CHRM3: variants seen among roughly 807,000 people sequenced by gnomAD.
CHRM3 encodes the protein muscarinic acetylcholine receptor M3.
CHRM3 carries 11 observed loss-of-function variants against 41.8 expected under a neutral mutation model. The ratio of observed to expected loss-of-function variants is 0.26; its 90% CI spans 0.17 to 0.44. The LOEUF is 0.44. CHRM3 is among the 20% of genes least tolerant of loss of function. CHRM3 has a pLI of 1.00. For synonymous variants in CHRM3, 297 were observed against 301.4 expected, an observed-to-expected ratio of 0.99 and a Z score of 0.15; for missense variants, 571 against 745.4, an observed-to-expected ratio of 0.77 and a Z score of 2.72.
At chr1:239,601,232 C>A (rs1264678892) in intron 3 of CHRM3, among the ~76,000 whole-genome samples, 2 of 152,078 alleles carry the variant, frequency 1.3e-5, no homozygotes, top group African/African-American at 2.4e-5. Context: ...GAGATCTGTG[C>A]TGTTTGGTGA....
rs1680028615 is a variant in CHRM3 at position 239,907,119 on chromosome 1, A to G, written c.-19-314A>G. Among the ~76,000 whole-genome samples the G allele has an allele frequency of 6.6e-6, 1 of 152,246 alleles. No homozygotes were observed. The highest frequency in any genetic ancestry group is 1.5e-5 in the Non-Finnish European group (1 of 68,046). On this transcript the variant is annotated intron_variant, in intron 6 of 6. Coordinates refer to ENST00000676153, the MANE Select transcript of CHRM3 (RefSeq NM_001375978.1). This position sits in a 1 kb window ranked among gnomAD's most constrained non-coding sequence, Gnocchi z 5.4. ...AATGTCTGATATTTTTCACCTTTAC[A>G]AAATAAGAGAAGTAAGGGCGATTTT...
At chr1:239,569,470 A>G (rs892759742) in intron 3 of CHRM3, among the ~76,000 whole-genome samples, 1 of 152,200 alleles carries the variant, frequency 6.6e-6, no homozygotes, top group Non-Finnish European at 1.5e-5. Flanking sequence ...AAATTTAAAT[A>G]CTGCGATAAC....
intron 1 of CHRM3, among the ~76,000 whole-genome samples, chr1:239,460,779 T>C (rs1248052691): frequency 6.6e-6 from 1 of 152,168 alleles, no homozygotes; most frequent in Non-Finnish European, 1.5e-5. Context: ...ACAAATGAAA[T>C]TATAGTCTTT....
chr1:239,852,666 C>T (rs375309771), intron 6 of CHRM3, among the ~76,000 whole-genome samples: 1 of 152,050 alleles, frequency 6.6e-6, no homozygotes, highest in African/African-American at 2.4e-5. Flanking sequence ...GGATTATGAA[C>T]AGCCAACCTA....
At chr1:239,442,274 T>C (rs1012027045) in intron 1 of CHRM3, among the ~76,000 whole-genome samples, 17 of 152,074 alleles carry the variant, frequency 1.1e-4, no homozygotes, top group African/African-American at 4.1e-4. Context: ...GCCCAGCTGA[T>C]TTTTTGTATT....
intron 6 of CHRM3, among the ~76,000 whole-genome samples, chr1:239,834,431 G>T (rs1673147417): frequency 6.7e-6 from 1 of 149,706 alleles, no homozygotes; most frequent in Non-Finnish European, 1.5e-5. Context: ...TCCTGCCTCA[G>T]CTTCCCAAAC....
intron 5 of CHRM3, among the ~76,000 whole-genome samples, chr1:239,691,586 C>A (rs1448035750): frequency 2.0e-5 from 3 of 152,236 alleles, no homozygotes; most frequent in Non-Finnish European, 4.4e-5. Context: ...GAAGCTGTGG[C>A]CCTCACGCCT....
intron 1 of CHRM3, among the ~76,000 whole-genome samples, chr1:239,456,886 T>C (rs1664982944): frequency 6.6e-6 from 1 of 152,176 alleles, no homozygotes; most frequent in Admixed American, 6.5e-5. Flanking sequence ...GACCCAAGTA[T>C]AAAAACTAAA....
chr1:239,601,970 T>G (rs1665598458), intron 3 of CHRM3, among the ~76,000 whole-genome samples: 2 of 151,656 alleles, frequency 1.3e-5, no homozygotes, highest in South Asian at 4.2e-4. Flanking sequence ...ATTGATCCTG[T>G]TTTTTTAATC....
chr1:239,623,522 A>T, intron 3 of CHRM3, among the ~76,000 whole-genome samples: 1 of 118,072 alleles, frequency 8.5e-6, no homozygotes, highest in Non-Finnish European at 1.7e-5. Flanking sequence ...TTATACTCTA[A>T]GTTTTAGGGT....
chr1:239,635,938 T>C (rs1670415464), intron 4 of CHRM3, among the ~76,000 whole-genome samples: 1 of 152,038 alleles, frequency 6.6e-6, no homozygotes, highest in African/African-American at 2.4e-5. Context: ...GTCTTTTGCT[T>C]AGATGGGAAG....
chr1:239,438,143 T>C (rs1378659037), intron 1 of CHRM3, among the ~76,000 whole-genome samples: 2 of 152,222 alleles, frequency 1.3e-5, no homozygotes, highest in Non-Finnish European at 2.9e-5. Context: ...GCTAATATTC[T>C]CACCTAAATT....
chr1:239,446,233 C>A (rs182133981), intron 1 of CHRM3, among the ~76,000 whole-genome samples: 1 of 152,084 alleles, frequency 6.6e-6, no homozygotes, highest in Admixed American at 6.5e-5. Flanking sequence ...CCATGCCTGG[C>A]CAGTGTGCAC....
chr1:239,433,415 T>G (rs1476921457), intron 1 of CHRM3, among the ~76,000 whole-genome samples: 1 of 152,198 alleles, frequency 6.6e-6, no homozygotes, highest in African/African-American at 2.4e-5. Context: ...GCATCTCTAT[T>G]GTGTTAGTTT....
chr1:239,568,480 A>G lies in CHRM3; in HGVS notation c.-313+22731A>G, dbSNP rs564052501. Among the ~76,000 whole-genome samples, 14 of 152,138 alleles carry G rather than the reference A, an allele frequency of 9.2e-5. No homozygotes were observed. The East Asian group carries it at 2.7e-3, about 30-fold the overall frequency. Reference sequence around the variant, plus strand: ...GAGGCCTTCCCAGCCACGTGGAACTATGAGTCTATTAAACTTCTTTTTCTT... The same window carrying G: ...GAGGCCTTCCCAGCCACGTGGAACTGTGAGTCTATTAAACTTCTTTTTCTT... On this transcript the variant is annotated intron_variant, in intron 3 of 6. Transcript: ENST00000676153.
In CHRM3 at chr1:239,907,253, C is replaced by T. The variant is rs1200017151; in HGVS notation, c.-19-180C>T. On this transcript the variant is annotated intron_variant, in intron 6 of 6. Transcript: ENST00000676153. This position sits in a 1 kb window ranked among gnomAD's most constrained non-coding sequence, Gnocchi z 5.4. ...TTATATAATACTATCTCAAACAAATCGATGTCTGTCTGCCCTAGACTCCAC... is the reference window on the plus strand; with the variant it reads ...TTATATAATACTATCTCAAACAAATTGATGTCTGTCTGCCCTAGACTCCAC... Among the ~76,000 whole-genome samples the T allele has an allele frequency of 3.9e-5, 6 of 152,124 alleles. No homozygotes were observed. The highest frequency in any genetic ancestry group is 2.1e-4 in the South Asian group (1 of 4,828).
intron 3 of CHRM3, among the ~76,000 whole-genome samples, chr1:239,590,770 A>C (rs1664038881): frequency 6.6e-6 from 1 of 152,178 alleles, no homozygotes; most frequent in Non-Finnish European, 1.5e-5. Context: ...CTGGATCAAA[A>C]CCAAAGAGAT....
At chr1:239,868,978 G>A (rs920579535) in intron 6 of CHRM3, among the ~76,000 whole-genome samples, 5 of 152,178 alleles carry the variant, frequency 3.3e-5, no homozygotes, top group South Asian at 2.1e-4. Flanking sequence ...TACAAGGAGA[G>A]CCTGGGGTGG....
chr1:239,776,279 T>G (rs1204429463), intron 5 of CHRM3, among the ~76,000 whole-genome samples: 1 of 152,218 alleles, frequency 6.6e-6, no homozygotes, highest in East Asian at 1.9e-4. Flanking sequence ...ATGGGGATAA[T>G]AATACAATAA....
Sources: allele counts gnomAD v4.1 joint callset (sites outside exome capture counted in the v4.1 genomes callset), GRCh38; gene constraint gnomAD v4.1.1; non-coding constraint Gnocchi (gnomAD v3.1); transcripts MANE v1.5; gene names NCBI Gene and HGNC (gene_info 2026-07-23, HGNC 2026-07-21).